Variants in ZBTB20 observed in about 807,000 individuals in gnomAD.
ZBTB20 encodes the protein zinc finger and BTB domain-containing protein 20.
A neutral mutation model predicts 56.9 loss-of-function variants in ZBTB20; 9 were observed. That is an observed-to-expected ratio of 0.16 (90% CI 0.10 to 0.28). The LOEUF (loss-of-function observed/expected upper bound fraction) is 0.28. Ranked by LOEUF, ZBTB20 falls within the 10% of genes least tolerant of loss-of-function variation. The pLI is 1.00. For missense variants in ZBTB20, 655 were observed against 1,003.0 expected, an observed-to-expected ratio of 0.65 and a Z score of 4.69; for synonymous variants, 417 against 420.7, an observed-to-expected ratio of 0.99 and a Z score of 0.11.
At chr3:114,356,531 T>A (rs558519025) in intron 10 of ZBTB20, among the ~76,000 whole-genome samples, 1 of 152,102 alleles carries the variant, frequency 6.6e-6, no homozygotes, top group African/African-American at 2.4e-5. Flanking sequence ...AAAACCAATA[T>A]AAATTTCGGT....
intron 7 of ZBTB20, among the ~76,000 whole-genome samples, chr3:114,394,435 C>T (rs1043756563): frequency 1.3e-5 from 2 of 152,158 alleles, no homozygotes; most frequent in East Asian, 1.9e-4. Flanking sequence ...CTTATTTCCA[C>T]GATGGTTCAG....
intron 6 of ZBTB20, among the ~76,000 whole-genome samples, chr3:114,648,042 CTAAAT>C (rs2059940114): frequency 1.3e-5 from 2 of 152,122 alleles, no homozygotes; most frequent in African/African-American, 2.4e-5. Flanking sequence ...CAAATTTTAA[CTAAAT>C]TATTTTACAT....
At chr3:114,839,447 GAA>G (rs1216925724) in intron 4 of ZBTB20, among the ~76,000 whole-genome samples, 1 of 149,976 alleles carries the variant, frequency 6.7e-6, no homozygotes, top group African/African-American at 2.5e-5. Flanking sequence ...AAGAAAGAAA[GAA>G]AGAAAGAAAG....
At chr3:114,371,471 C>T (rs1560152862) in intron 10 of ZBTB20, among the ~76,000 whole-genome samples, 1 of 152,120 alleles carries the variant, frequency 6.6e-6, no homozygotes, top group South Asian at 2.1e-4. Flanking sequence ...ATATCTTTAA[C>T]CACGCTGCAT....
chr3:114,484,290 C>T (rs141453266), intron 7 of ZBTB20, among the ~76,000 whole-genome samples: 5 of 152,144 alleles, frequency 3.3e-5, no homozygotes, highest in Admixed American at 2.0e-4. Flanking sequence ...TTTAAACCCA[C>T]CAACGTAATA....
chr3:115,059,355 T>A (rs994486485), intron 2 of ZBTB20, among the ~76,000 whole-genome samples: 1 of 152,206 alleles, frequency 6.6e-6, no homozygotes, highest in African/African-American at 2.4e-5. Flanking sequence ...TCCTTTTGAG[T>A]CTTATTCTTA....
At chr3:114,559,225 C>T (rs1211854104) in intron 6 of ZBTB20, among the ~76,000 whole-genome samples, 1 of 152,088 alleles carries the variant, frequency 6.6e-6, no homozygotes, top group Non-Finnish European at 1.5e-5. Context: ...GTAAACAAGG[C>T]CAATATCAAT....
chr3:114,408,982 A>T (rs1228949558), intron 7 of ZBTB20, among the ~76,000 whole-genome samples: 1 of 152,088 alleles, frequency 6.6e-6, no homozygotes, highest in African/African-American at 2.4e-5. Context: ...CCTCGCCTTC[A>T]TACATCACAA....
At chr3:114,647,527 G>A (rs1055543846) in intron 6 of ZBTB20, among the ~76,000 whole-genome samples, 1 of 152,164 alleles carries the variant, frequency 6.6e-6, no homozygotes, top group Non-Finnish European at 1.5e-5. Context: ...TCCTTAGGTT[G>A]AGTGAAAGAA....
At chr3:114,904,268 C>T (rs114958377) in intron 3 of ZBTB20, 6,464 of 151,982 alleles carry the variant, frequency 0.043, 164 homozygotes, top group Middle Eastern at 0.11. Context: ...TAGAGATGCC[C>T]CTTAAGCCAT....
At chr3:114,492,249 G>A (rs1422206837) in intron 7 of ZBTB20, among the ~76,000 whole-genome samples, 1 of 152,092 alleles carries the variant, frequency 6.6e-6, no homozygotes, top group East Asian at 1.9e-4. Flanking sequence ...CTGAATTCAT[G>A]TCTCCAGCCT....
chr3:115,056,638 C>G (rs897453496), intron 2 of ZBTB20, among the ~76,000 whole-genome samples: 3 of 151,806 alleles, frequency 2.0e-5, no homozygotes, highest in African/African-American at 7.3e-5. Flanking sequence ...TTAAAAATAC[C>G]GAACTATACT....
At chr3:114,896,337 G>A (rs1273716842) in intron 4 of ZBTB20, among the ~76,000 whole-genome samples, 1 of 152,060 alleles carries the variant, frequency 6.6e-6, no homozygotes, top group Non-Finnish European at 1.5e-5. Flanking sequence ...ATTAAAACAT[G>A]GAAGCAATCC....
intron 4 of ZBTB20, among the ~76,000 whole-genome samples, chr3:114,899,252 A>C (rs2075011260): frequency 6.6e-6 from 1 of 152,122 alleles, no homozygotes; most frequent in Non-Finnish European, 1.5e-5. Flanking sequence ...TGCACAAATT[A>C]AGGAATTATC....
chr3:114,720,055 G>T (rs2064803989), intron 5 of ZBTB20, among the ~76,000 whole-genome samples: 2 of 149,974 alleles, frequency 1.3e-5, no homozygotes, highest in Non-Finnish European at 1.5e-5. Flanking sequence ...AAATGTAGGA[G>T]AAATAATTCT....
At chr3:114,545,673 C>T (rs2049789494) in intron 6 of ZBTB20, among the ~76,000 whole-genome samples, 1 of 152,136 alleles carries the variant, frequency 6.6e-6, no homozygotes, top group East Asian at 1.9e-4. Flanking sequence ...CTTCATCAGG[C>T]TGGAGGAGGG....
intron 10 of ZBTB20, among the ~76,000 whole-genome samples, chr3:114,358,724 A>C (rs575625090): frequency 6.6e-6 from 1 of 152,318 alleles, no homozygotes; most frequent in Non-Finnish European, 1.5e-5. Flanking sequence ...TCATTAGTGA[A>C]ACATTTACTG....
At chr3:114,591,101 A>T (rs1011581824) in intron 6 of ZBTB20, among the ~76,000 whole-genome samples, 1 of 152,242 alleles carries the variant, frequency 6.6e-6, no homozygotes, top group Non-Finnish European at 1.5e-5. Context: ...AGATAAAAAA[A>T]GTCAATGTTT....
intron 5 of ZBTB20, among the ~76,000 whole-genome samples, chr3:114,763,788 C>A (rs1409172270): frequency 6.6e-6 from 1 of 151,884 alleles, no homozygotes; most frequent in African/African-American, 2.4e-5. Context: ...ATACACAGAT[C>A]AAAATATCAC....
Sources: gnomAD v4.1 joint callset for allele counts (sites outside exome capture counted in the v4.1 genomes callset) on GRCh38, gnomAD v4.1.1 for gene constraint, MANE v1.5 for transcripts, NCBI Gene and HGNC (gene_info 2026-07-23, HGNC 2026-07-21) for gene names.